THSD4: variants seen among roughly 807,000 people sequenced by gnomAD.
THSD4 encodes the protein thrombospondin type 1 domain containing 4, also known as thrombospondin type-1 domain-containing protein 4.
Under a neutral mutation model 119.0 loss-of-function variants are expected in THSD4, and 69 were observed. The ratio of observed to expected loss-of-function variants is 0.58; its 90% CI spans 0.48 to 0.71. THSD4 has a LOEUF of 0.71. THSD4 is among the 30% of genes least tolerant of loss of function. THSD4 has a pLI of 0.00. For synonymous variants in THSD4, 524 were observed against 540.4 expected (o/e 0.97, Z 0.42); for missense variants, 1,393 against 1,391.1 (o/e 1.00, Z -0.02).
chr15:71,766,389 T>C (rs1375410917), intron 16 of THSD4, among the ~76,000 whole-genome samples: 1 of 152,016 alleles, frequency 6.6e-6, no homozygotes, highest in Non-Finnish European at 1.5e-5. Context: ...AAGCAGAGGC[T>C]GTAGTGAGCC....
At chr15:71,629,081 C>T (rs183558920) in intron 7 of THSD4, among the ~76,000 whole-genome samples, 210 of 152,336 alleles carry the variant, frequency 1.4e-3, no homozygotes, top group Non-Finnish European at 1.8e-3. Flanking sequence ...ACCCTTGAAA[C>T]ACCCTGACTT....
At chr15:71,109,946 T>A (rs1214621967) in intron 1 of THSD4, among the ~76,000 whole-genome samples, 1 of 152,246 alleles carries the variant, frequency 6.6e-6, no homozygotes, top group African/African-American at 2.4e-5. Context: ...CAGTGTTCAT[T>A]GGATATGCCC....
chr15:71,426,764 T>C (rs2046875244), intron 7 of THSD4, among the ~76,000 whole-genome samples: 1 of 152,194 alleles, frequency 6.6e-6, no homozygotes, highest in South Asian at 2.1e-4. Context: ...TTGTGACTAT[T>C]AAAAATTTAT....
chr15:71,490,283 G>A (rs140751359), intron 7 of THSD4, among the ~76,000 whole-genome samples: 5 of 151,826 alleles, frequency 3.3e-5, no homozygotes, highest in African/African-American at 7.2e-5. Flanking sequence ...AAATTAGGCC[G>A]GGCGTGGTGG....
intron 6 of THSD4, among the ~76,000 whole-genome samples, chr15:71,384,295 G>A (rs1203841343): frequency 6.6e-6 from 1 of 152,132 alleles, no homozygotes; most frequent in African/African-American, 2.4e-5. Flanking sequence ...GGAGAATGGC[G>A]TGAACCCCGG....
chr15:71,514,555 G>A (rs972936466), intron 7 of THSD4, among the ~76,000 whole-genome samples: 6 of 152,088 alleles, frequency 3.9e-5, no homozygotes, highest in Non-Finnish European at 7.4e-5. Context: ...TCCATCCATG[G>A]TATTGAATCA....
chr15:71,138,696 C>T (rs1001141223), intron 1 of THSD4, among the ~76,000 whole-genome samples: 8 of 152,190 alleles, frequency 5.3e-5, no homozygotes, highest in South Asian at 2.1e-4. Context: ...CAAGCCACCA[C>T]GTATAGGCCA....
At chr15:71,229,630 G>A (rs1442791) in intron 4 of THSD4, among the ~76,000 whole-genome samples, 149,936 of 152,324 alleles carry the variant, frequency 0.98, 73,852 homozygotes, top group East Asian at 1. Context: ...TTTTTGATTC[G>A]TAGTTGGTTG....
At chr15:71,239,358 T>C (rs1235914557) in intron 4 of THSD4, among the ~76,000 whole-genome samples, 1 of 152,136 alleles carries the variant, frequency 6.6e-6, no homozygotes, top group Non-Finnish European at 1.5e-5. Context: ...GTTGCTTCAC[T>C]GGCCTCATCT....
intron 6 of THSD4, among the ~76,000 whole-genome samples, chr15:71,368,866 T>G (rs1009952221): frequency 6.6e-6 from 1 of 152,218 alleles, no homozygotes; most frequent in Non-Finnish European, 1.5e-5. Context: ...GTCTATAAAT[T>G]ACCTTGGGCA....
chr15:71,296,136 G>C (rs981033149), intron 6 of THSD4, among the ~76,000 whole-genome samples: 36 of 152,280 alleles, frequency 2.4e-4, no homozygotes, highest in African/African-American at 8.7e-4. Context: ...ATTTTTGTGA[G>C]GGCGTATGTT....
chr15:71,154,968 C>T, intron 3 of THSD4, 36 bp downstream of exon 3: 1 of 1,606,994 alleles, frequency 6.2e-7, no homozygotes, highest in Non-Finnish European at 8.5e-7. Flanking sequence ...TCTTCTCTGC[C>T]CAAGGGGCTA....
chr15:71,738,220 G>A (rs2053163453), intron 11 of THSD4: 1 of 621,300 alleles, frequency 1.6e-6, no homozygotes, highest in South Asian at 2.0e-5. Flanking sequence ...CTCATAAGGA[G>A]CATGCAACCT....
intron 7 of THSD4, among the ~76,000 whole-genome samples, chr15:71,475,772 T>TA: frequency 1.3e-5 from 2 of 152,208 alleles, no homozygotes; most frequent in South Asian, 4.2e-4. Flanking sequence ...AATCGTTTTT[T>TA]AAAAATTAGC....
chr15:71,256,519 A>T (rs573445525), intron 5 of THSD4, 94 bp from the exon 6 acceptor site: 1 of 833,714 alleles, frequency 1.2e-6, no homozygotes, highest in African/African-American at 1.8e-5. Context: ...ATAAAAAATA[A>T]ATAAAGTTGG....
chr15:71,611,519 A>G (rs1192309308), intron 7 of THSD4, among the ~76,000 whole-genome samples: 1 of 152,222 alleles, frequency 6.6e-6, no homozygotes, highest in Non-Finnish European at 1.5e-5. Flanking sequence ...TTTTCAGTGA[A>G]CATCCTATGA....
At chr15:71,426,615 C>T (rs976577989) in intron 7 of THSD4, among the ~76,000 whole-genome samples, 7 of 152,144 alleles carry the variant, frequency 4.6e-5, no homozygotes, top group African/African-American at 1.7e-4. Flanking sequence ...TTCTCTTTTC[C>T]AAGATATTTG....
In THSD4 at chr15:71,716,786, C is replaced by G. The variant is rs143488164; in HGVS notation, c.1358-11763C>G. ...CAGGTCTCACTTCTTGGGGCATCCCCCCTTGCAGTATATACAGGATGCTTC... is the reference window on the plus strand; with the variant it reads ...CAGGTCTCACTTCTTGGGGCATCCCGCCTTGCAGTATATACAGGATGCTTC... On this transcript the variant is annotated intron_variant, in intron 8 of 17. Coordinates refer to ENST00000261862, the MANE Select transcript of THSD4 (RefSeq NM_024817.3). Among the ~76,000 whole-genome samples the G allele has an allele frequency of 5.4e-3, 821 of 152,252 alleles. 5 individuals carry two copies. The highest frequency in any genetic ancestry group is 0.019 in the African/African-American group (777 of 41,540).
chr15:71,270,935 C>T lies in THSD4; in HGVS notation c.1015+14220C>T, dbSNP rs139814485. On this transcript the variant is annotated intron_variant, in intron 6 of 17. Transcript: ENST00000261862. Reference sequence around the variant, plus strand: ...AGAATGATAAAGGAATGAGGATGTTCTGTAGATGTGAGGATGTAGCTTGTA... The same window carrying T: ...AGAATGATAAAGGAATGAGGATGTTTTGTAGATGTGAGGATGTAGCTTGTA... 9.3e-5 allele frequency among the ~76,000 whole-genome samples: 14 copies of T among 151,192 alleles called. No individual in the cohort carries two copies. The East Asian group carries it at 1.6e-3, about 17-fold the overall frequency.
Sources: allele counts gnomAD v4.1 joint callset (sites outside exome capture counted in the v4.1 genomes callset), GRCh38; gene constraint gnomAD v4.1.1; transcripts MANE v1.5; gene names NCBI Gene and HGNC (gene_info 2026-07-23, HGNC 2026-07-21).